Variants in DPYD observed in about 807,000 individuals in gnomAD.
DPYD encodes the protein dihydropyrimidine dehydrogenase.
DPYD carries 109 observed loss-of-function variants against 116.2 expected under a neutral mutation model. The ratio of observed to expected loss-of-function variants is 0.94; its 90% CI spans 0.80 to 1.10. DPYD has a LOEUF of 1.10. Ranked by LOEUF, DPYD falls within the 50% of genes least tolerant of loss-of-function variation. DPYD has a pLI of 0.00. For synonymous variants in DPYD, 440 were observed against 432.0 expected (o/e 1.02, Z -0.23); for missense variants, 1,302 against 1,254.5 (o/e 1.04, Z -0.57).
chr1:97,496,914 C>T (rs939105044), intron 13 of DPYD, among the ~76,000 whole-genome samples: 1 of 151,722 alleles, frequency 6.6e-6, no homozygotes, highest in Admixed American at 6.6e-5. Context: ...TATAAAAATA[C>T]AATGCTAAGG....
intron 4 of DPYD, among the ~76,000 whole-genome samples, chr1:97,729,357 C>A (rs1387260549): frequency 6.6e-6 from 1 of 152,030 alleles, no homozygotes; most frequent in African/African-American, 2.4e-5. Flanking sequence ...ATTCCTTCTT[C>A]GTCAGGCATA....
chr1:97,698,987 C>A (rs1391077601), intron 6 of DPYD, among the ~76,000 whole-genome samples: 1 of 151,892 alleles, frequency 6.6e-6, no homozygotes, highest in Non-Finnish European at 1.5e-5. Context: ...TCCAATATTC[C>A]ATGGATCTAG....
At chr1:97,197,671 G>T (rs1354195120) in intron 19 of DPYD, among the ~76,000 whole-genome samples, 1 of 152,138 alleles carries the variant, frequency 6.6e-6, no homozygotes, top group African/African-American at 2.4e-5. Flanking sequence ...GTAGACTTGG[G>T]ATCTTTTAAC....
At chr1:97,570,915 A>G (rs1320211267) in intron 11 of DPYD, among the ~76,000 whole-genome samples, 3 of 151,950 alleles carry the variant, frequency 2.0e-5, no homozygotes, top group Non-Finnish European at 2.9e-5. Flanking sequence ...TGTTTGTCAC[A>G]TGCCTGAGCA....
intron 13 of DPYD, among the ~76,000 whole-genome samples, chr1:97,467,809 T>C (rs1352382458): frequency 1.3e-5 from 2 of 152,204 alleles, no homozygotes; most frequent in African/African-American, 4.8e-5. Context: ...AATATAAATA[T>C]TTTCAAACTT....
chr1:97,733,384 C>G lies in DPYD; in HGVS notation c.321+7008G>C, dbSNP rs556467389. 3.1e-4 allele frequency among the ~76,000 whole-genome samples: 47 copies of G among 152,012 alleles called. 1 individual carries two copies. Among genetic ancestry groups the G allele is most frequent in the Middle Eastern group, 3.4e-3 (1 of 292 alleles). Reference sequence around the variant, plus strand: ...AAACCTAACTTCACCCTACACTAACCTCAATCAAATGAAGAAACTAAATTA... The same window carrying G: ...AAACCTAACTTCACCCTACACTAACGTCAATCAAATGAAGAAACTAAATTA... On this transcript the variant is annotated intron_variant, in intron 4 of 22. Coordinates refer to ENST00000370192, the MANE Select transcript of DPYD (RefSeq NM_000110.4).
intron 16 of DPYD, among the ~76,000 whole-genome samples, chr1:97,373,115 C>T (rs1671390780): frequency 6.6e-6 from 1 of 152,166 alleles, no homozygotes; most frequent in Non-Finnish European, 1.5e-5. Context: ...ACTCCCCAAA[C>T]ACAGTTAGTG....
At chr1:97,909,807 A>G (rs1673838511) in intron 1 of DPYD, among the ~76,000 whole-genome samples, 1 of 151,942 alleles carries the variant, frequency 6.6e-6, no homozygotes, top group Admixed American at 6.6e-5. Context: ...TAATTCCTCA[A>G]TTTCTATCTC....
At chr1:97,184,992 A>C (rs1353898821) in intron 20 of DPYD, among the ~76,000 whole-genome samples, 2 of 152,156 alleles carry the variant, frequency 1.3e-5, no homozygotes, top group Non-Finnish European at 2.9e-5. Context: ...TATCCTTTCA[A>C]CATTAAGTAT....
intron 8 of DPYD, among the ~76,000 whole-genome samples, chr1:97,616,158 G>A (rs903371875): frequency 4.7e-5 from 7 of 150,308 alleles, no homozygotes; most frequent in Non-Finnish European, 1.0e-4. Flanking sequence ...TTTTTTGTCT[G>A]GGAACTCTTT....
intron 16 of DPYD, among the ~76,000 whole-genome samples, chr1:97,333,494 G>T (rs905622686): frequency 8.7e-5 from 12 of 138,196 alleles, no homozygotes; most frequent in African/African-American, 3.3e-4. Context: ...CACCATGCCC[G>T]GCCCCAATTG....
At chr1:97,667,649 A>C (rs933798965) in intron 8 of DPYD, among the ~76,000 whole-genome samples, 3 of 152,148 alleles carry the variant, frequency 2.0e-5, no homozygotes, top group Non-Finnish European at 4.4e-5. Flanking sequence ...CTTTGGAAAC[A>C]GTATGTTGGC....
At chr1:97,714,548 A>G (rs1240423755) in intron 5 of DPYD, among the ~76,000 whole-genome samples, 1 of 151,218 alleles carries the variant, frequency 6.6e-6, no homozygotes, top group African/African-American at 2.4e-5. Context: ...TAAATTTTTC[A>G]GTAGTGCTGT....
At chr1:97,831,854 A>G (rs1305257117) in intron 2 of DPYD, among the ~76,000 whole-genome samples, 1 of 152,004 alleles carries the variant, frequency 6.6e-6, no homozygotes, top group Non-Finnish European at 1.5e-5. Flanking sequence ...AGCCTAGACA[A>G]TGTGGAGCAA....
intron 20 of DPYD, among the ~76,000 whole-genome samples, chr1:97,172,519 A>G (rs1282828094): frequency 6.6e-6 from 1 of 152,204 alleles, no homozygotes. Flanking sequence ...TCACTTAGAT[A>G]TCTCTGCCTT....
At chr1:97,134,638 T>C (rs1224979767) in intron 20 of DPYD, among the ~76,000 whole-genome samples, 1 of 152,202 alleles carries the variant, frequency 6.6e-6, no homozygotes, top group African/African-American at 2.4e-5. Flanking sequence ...TTTGGTTAAA[T>C]CTTAAAATAT....
intron 13 of DPYD, among the ~76,000 whole-genome samples, chr1:97,500,380 T>A (rs1279586290): frequency 6.6e-6 from 1 of 152,048 alleles, no homozygotes; most frequent in African/African-American, 2.4e-5. Context: ...TCATCCAAAC[T>A]TATATTTGTA....
intron 8 of DPYD, among the ~76,000 whole-genome samples, chr1:97,666,152 TATTCC>T (rs1473319006): frequency 6.6e-6 from 1 of 152,294 alleles, no homozygotes; most frequent in African/African-American, 2.4e-5. Flanking sequence ...AGTTCTCATT[TATTCC>T]TTCTGTGATT....
At chr1:97,650,835 T>C (rs928886049) in intron 8 of DPYD, among the ~76,000 whole-genome samples, 1 of 151,888 alleles carries the variant, frequency 6.6e-6, no homozygotes, top group Non-Finnish European at 1.5e-5. Context: ...AGTGAATAAT[T>C]CAAGGTGTGT....
Sources: gnomAD v4.1 joint callset for allele counts (sites outside exome capture counted in the v4.1 genomes callset) on GRCh38, gnomAD v4.1.1 for gene constraint, MANE v1.5 for transcripts, NCBI Gene and HGNC (gene_info 2026-07-23, HGNC 2026-07-21) for gene names.